PTPRJ: variants seen among roughly 807,000 people sequenced by gnomAD.
PTPRJ encodes receptor-type tyrosine-protein phosphatase eta.
Under a neutral mutation model 141.3 loss-of-function variants are expected in PTPRJ, and 129 were observed. The ratio of observed to expected loss-of-function variants is 0.91; its 90% CI spans 0.79 to 1.06. The LOEUF is 1.06. Among genes scored for constraint, PTPRJ ranks in the 50% least tolerant of loss-of-function variants. The pLI, the probability that PTPRJ is intolerant of heterozygous loss-of-function variation, is 0.00. For missense variants in PTPRJ, 1,601 were observed against 1,679.7 expected, an observed-to-expected ratio of 0.95 and a Z score of 0.82; for synonymous variants, 610 against 640.5, an observed-to-expected ratio of 0.95 and a Z score of 0.72.
At chr11:48,062,071 ATTT>A (rs915346609) in intron 1 of PTPRJ, among the ~76,000 whole-genome samples, 1 of 141,866 alleles carries the variant, frequency 7.0e-6, no homozygotes. Context: ...TGCCTGGCTA[ATTT>A]TTTTTTTTTT....
At chr11:48,000,872 G>A (rs1854478614) in intron 1 of PTPRJ, among the ~76,000 whole-genome samples, 1 of 151,872 alleles carries the variant, frequency 6.6e-6, no homozygotes, top group Non-Finnish European at 1.5e-5. Context: ...GACAGAGCGT[G>A]CCTCAAAAGC....
In PTPRJ at chr11:48,123,830, T is replaced by C. The variant is rs1185371601; in HGVS notation, c.834T>C (p.Asn278=). 1 of 1,613,928 alleles carries C rather than the reference T, an allele frequency of 6.2e-7. No homozygotes were observed. Among genetic ancestry groups the C allele is most frequent in the Non-Finnish European group, 8.5e-7 (1 of 1,179,960 alleles). ...TCAACCCGTATCTTCTACAATCAAATAAGACAAAGGGAGACCCCTTGGGCA... is the reference window on the plus strand; with the variant it reads ...TCAACCCGTATCTTCTACAATCAAACAAGACAAAGGGAGACCCCTTGGGCA... ...YNINPYLLQS[N]KTKGDPLGTE... The change falls in exon 5 of 25, where the codon AAT becomes AAC. Residue 278 remains asparagine, a synonymous_variant. Transcript: ENST00000418331.
At chr11:48,109,966 C>T in intron 1 of PTPRJ, 92 bp from the exon 2 acceptor site, 1 of 1,414,260 alleles carries the variant, frequency 7.1e-7, no homozygotes, top group Non-Finnish European at 1.0e-6. Context: ...CCACCCCACC[C>T]CCATTATTAA....
chr11:48,089,343 C>G (rs1228037269), intron 1 of PTPRJ, among the ~76,000 whole-genome samples: 1 of 151,808 alleles, frequency 6.6e-6, no homozygotes, highest in Admixed American at 6.6e-5. Context: ...ATGGTGAAGC[C>G]CATCTCAACT....
chr11:48,150,248 A>T, intron 18 of PTPRJ, 65 bp downstream of exon 18: 7 of 1,397,432 alleles, frequency 5.0e-6, no homozygotes, highest in South Asian at 1.2e-5. Context: ...ATCTGAGGGG[A>T]GTTGGTGGAT....
chr11:48,100,690 C>T (rs1207753474), intron 1 of PTPRJ, among the ~76,000 whole-genome samples: 1 of 152,034 alleles, frequency 6.6e-6, no homozygotes, highest in African/African-American at 2.4e-5. Flanking sequence ...TGAGACCAGC[C>T]TAGCCAACAT....
chr11:48,113,090 C>A (rs1252655246), intron 3 of PTPRJ, 107 bp downstream of exon 3: 1 of 970,384 alleles, frequency 1.0e-6, no homozygotes, highest in South Asian at 1.9e-5. Flanking sequence ...CTAAGAAAAT[C>A]TTTTTAAAAA....
chr11:48,045,933 A>G (rs192609271), intron 1 of PTPRJ, among the ~76,000 whole-genome samples: 122 of 152,200 alleles, frequency 8.0e-4, no homozygotes, highest in African/African-American at 2.8e-3. Flanking sequence ...GGTTATTGCA[A>G]CCATTTCAGA....
intron 22 of PTPRJ, among the ~76,000 whole-genome samples, chr11:48,162,206 T>A (rs1487332688): frequency 1.3e-5 from 2 of 152,146 alleles, no homozygotes; most frequent in East Asian, 3.9e-4. Context: ...GAATACATTT[T>A]CCTTTAGAAA....
intron 1 of PTPRJ, among the ~76,000 whole-genome samples, chr11:48,058,946 C>T (rs921077927): frequency 6.6e-5 from 10 of 152,026 alleles, no homozygotes; most frequent in Admixed American, 2.0e-4. Flanking sequence ...TTCTAGAACA[C>T]GTCACGTTCA....
chr11:48,096,321 A>G (rs1503190), intron 1 of PTPRJ, among the ~76,000 whole-genome samples: 107,836 of 151,988 alleles, frequency 0.71, 39,787 homozygotes, highest in South Asian at 0.83. Context: ...TGAAAACCGT[A>G]TGGAGTTCTT....
intron 1 of PTPRJ, among the ~76,000 whole-genome samples, chr11:48,023,787 T>G (rs915405458): frequency 7.9e-6 from 1 of 126,464 alleles, no homozygotes; most frequent in Non-Finnish European, 1.5e-5. Flanking sequence ...GACTCAAAAA[T>G]AAATAAATAA....
chr11:48,116,825 G>T (rs1856576472), intron 3 of PTPRJ, among the ~76,000 whole-genome samples: 1 of 152,182 alleles, frequency 6.6e-6, no homozygotes, highest in Non-Finnish European at 1.5e-5. Context: ...TAACTAATGG[G>T]TTGATGATGA....
chr11:48,014,619 C>T (rs1300026859), intron 1 of PTPRJ: 1 of 152,222 alleles, frequency 6.6e-6, no homozygotes, highest in East Asian at 1.9e-4. Flanking sequence ...TATGGAGCAC[C>T]TACTGTGTAT....
intron 1 of PTPRJ, among the ~76,000 whole-genome samples, chr11:48,021,928 A>T (rs2134213111): frequency 6.6e-6 from 1 of 152,308 alleles, no homozygotes; most frequent in South Asian, 2.1e-4. Flanking sequence ...TCCTTCTGGC[A>T]AACTCTTTAA....
At chr11:48,112,509 A>T (rs1856467036) in intron 2 of PTPRJ, among the ~76,000 whole-genome samples, 1 of 152,176 alleles carries the variant, frequency 6.6e-6, no homozygotes, top group African/African-American at 2.4e-5. Flanking sequence ...CCTGTGAATG[A>T]CTGTGTGCAG....
At chr11:48,133,070 C>T (rs1359073670) in intron 8 of PTPRJ, among the ~76,000 whole-genome samples, 2 of 152,126 alleles carry the variant, frequency 1.3e-5, no homozygotes, top group Admixed American at 6.6e-5. Flanking sequence ...TGGGGGTCTG[C>T]GAAGTGCTGA....
chr11:48,159,801 C>T (rs1315958805), intron 21 of PTPRJ, 129 bp from the exon 22 acceptor site: 5 of 1,245,444 alleles, frequency 4.0e-6, no homozygotes, highest in South Asian at 1.4e-5. Flanking sequence ...AAGGGTCAAA[C>T]AAAACCCAAC....
Position 48,127,854 on chromosome 11 carries a change from G to A in PTPRJ, c.1168G>A (p.Asp390Asn), listed in dbSNP as rs746073357. Residue 390 changes from aspartate (D) to asparagine (N), a missense_variant, in exon 7 of 25, where the codon GAT becomes AAT. Physicochemically the swap from Asp to Asn is conservative, Grantham distance 23 (BLOSUM62 1). Transcript: ENST00000418331. ...TSLTLIWKVS[D>N]NESSSNYTYK... ...CCTGACCCTGATCTGGAAAGTCAGC[G>A]ATAACGAGTCGTCATCTAACTATAC... 24 of 1,614,180 alleles carry A rather than the reference G, an allele frequency of 1.5e-5. No individual in the cohort carries two copies. The highest frequency in any genetic ancestry group is 2.0e-5 in the Non-Finnish European group (24 of 1,180,020).
Sources: allele counts gnomAD v4.1 joint callset (sites outside exome capture counted in the v4.1 genomes callset), GRCh38; gene constraint gnomAD v4.1.1; transcripts MANE v1.5; gene names NCBI Gene and HGNC (gene_info 2026-07-23, HGNC 2026-07-21).